The following PCED1B variants were observed in gnomAD, a reference collection of about 807,000 sequenced individuals.
PCED1B encodes PC-esterase domain containing 1B.
For missense variants in PCED1B, 573 were observed against 573.9 expected, an observed-to-expected ratio of 1.00 and a Z score of 0.02; for synonymous variants, 251 against 246.1, an observed-to-expected ratio of 1.02 and a Z score of -0.19.
chr12:47,131,673 C>CTT (rs760678015), intron 2 of PCED1B, among the ~76,000 whole-genome samples: 3 of 127,986 alleles, frequency 2.3e-5, no homozygotes, highest in East Asian at 2.3e-4. Context: ...TGTTTTACTT[C>CTT]TTTTTTTTTT....
chr12:47,169,771 C>A (rs1359106673), intron 2 of PCED1B, among the ~76,000 whole-genome samples: 1 of 151,082 alleles, frequency 6.6e-6, no homozygotes, highest in African/African-American at 2.4e-5. Flanking sequence ...AGGAAGATCG[C>A]TTGAGCCCAG....
chr12:47,206,907 A>C (rs986736322), intron 2 of PCED1B, among the ~76,000 whole-genome samples: 4 of 152,200 alleles, frequency 2.6e-5, no homozygotes, highest in African/African-American at 9.7e-5. Context: ...ATAAATGGTG[A>C]TTAGATGCTT....
intron 2 of PCED1B, among the ~76,000 whole-genome samples, chr12:47,147,074 C>G (rs535231619): frequency 7.1e-6 from 1 of 140,890 alleles, no homozygotes; most frequent in Admixed American, 7.9e-5. Flanking sequence ...AATCTCGGCT[C>G]ACTGCAATTT....
intron 2 of PCED1B, among the ~76,000 whole-genome samples, chr12:47,190,763 G>A (rs1343713574): frequency 6.6e-6 from 1 of 152,186 alleles, no homozygotes; most frequent in Non-Finnish European, 1.5e-5. Flanking sequence ...CAGTGCTTAG[G>A]AGCACAGAAA....
At chr12:47,198,739 C>T (rs575091194) in intron 2 of PCED1B, among the ~76,000 whole-genome samples, 4 of 152,086 alleles carry the variant, frequency 2.6e-5, no homozygotes, top group East Asian at 1.9e-4. Flanking sequence ...CCAAGGCAGG[C>T]GGATCACCTG....
chr12:47,160,204 A>C (rs568643571), intron 2 of PCED1B, among the ~76,000 whole-genome samples: 1 of 151,138 alleles, frequency 6.6e-6, no homozygotes, highest in Admixed American at 6.6e-5. Context: ...TTGCTTGCAA[A>C]ATTTTTAAAT....
At chr12:47,233,866 T>TA (rs1943887396) in intron 3 of PCED1B, among the ~76,000 whole-genome samples, 1 of 152,226 alleles carries the variant, frequency 6.6e-6, no homozygotes, top group African/African-American at 2.4e-5. Context: ...CAAAGAATAT[T>TA]ACAGCTGAAA....
chr12:47,133,044 T>A (rs1201601760), intron 2 of PCED1B, among the ~76,000 whole-genome samples: 2 of 152,194 alleles, frequency 1.3e-5, no homozygotes, highest in Admixed American at 1.3e-4. Flanking sequence ...ATAAGATAAT[T>A]TTCCCCTGTT....
chr12:47,222,253 C>T (rs1943503856), intron 3 of PCED1B, among the ~76,000 whole-genome samples: 1 of 151,336 alleles, frequency 6.6e-6, no homozygotes, highest in Admixed American at 6.6e-5. Context: ...ATCCCCGTCT[C>T]TACTAAAAAT....
chr12:47,120,810 A>G (rs1445648663), intron 2 of PCED1B, among the ~76,000 whole-genome samples: 1 of 152,138 alleles, frequency 6.6e-6, no homozygotes, highest in Non-Finnish European at 1.5e-5. Flanking sequence ...TCAAAAAATA[A>G]TAATAATAAT....
intron 2 of PCED1B, among the ~76,000 whole-genome samples, chr12:47,207,253 T>C (rs1942938850): frequency 6.6e-6 from 1 of 152,220 alleles, no homozygotes; most frequent in African/African-American, 2.4e-5. Context: ...CCAAAATACA[T>C]AAACATATTG....
At chr12:47,198,905 G>C (rs1051354331) in intron 2 of PCED1B, among the ~76,000 whole-genome samples, 1 of 151,622 alleles carries the variant, frequency 6.6e-6, no homozygotes, top group Non-Finnish European at 1.5e-5. Flanking sequence ...GGCAGAGGTT[G>C]CAGTGAGCTG....
chr12:47,236,304 A>T lies in PCED1B; in HGVS notation c.1241A>T (p.Gln414Leu). ...CGTGGCCCCTATACGCCCTGGGGAC[A>T]GCGGCCTCGACCTTCAAAGAGAAGG... is the stretch of plus-strand genomic sequence containing the variant. ...RPRGPYTPWG[Q>L]RPRPSKRRAP... Residue 414 changes from glutamine (Q) to leucine (L), a missense_variant, in exon 4 of 4, where the codon CAG (glutamine) becomes CTG (leucine). Physicochemically the swap from Gln to Leu is moderately radical, Grantham distance 113. Coordinates refer to ENST00000546455, the MANE Select transcript of PCED1B (RefSeq NM_138371.3). 2 of 1,613,706 alleles carry T rather than the reference A, an allele frequency of 1.2e-6. No homozygotes were observed. The highest frequency in any genetic ancestry group is 2.2e-5 in the East Asian group (1 of 44,850).
At chr12:47,127,921 C>A (rs1359686103) in intron 2 of PCED1B, among the ~76,000 whole-genome samples, 1 of 152,084 alleles carries the variant, frequency 6.6e-6, no homozygotes, top group East Asian at 1.9e-4. Flanking sequence ...CTATATGTTT[C>A]AACTGTTGAG....
At chr12:47,192,821 G>T (rs753662283) in intron 2 of PCED1B, among the ~76,000 whole-genome samples, 25 of 152,134 alleles carry the variant, frequency 1.6e-4, no homozygotes, top group Non-Finnish European at 2.4e-4. Context: ...CTTGAGACAA[G>T]TACTATCATT....
At chr12:47,125,201 G>A (rs984074362) in intron 2 of PCED1B, among the ~76,000 whole-genome samples, 3 of 151,924 alleles carry the variant, frequency 2.0e-5, no homozygotes, top group Non-Finnish European at 4.4e-5. Flanking sequence ...ACTGCCCAAG[G>A]TATGGAGAGT....
chr12:47,091,293 A>G (rs1348476371), intron 1 of PCED1B, among the ~76,000 whole-genome samples: 1 of 152,178 alleles, frequency 6.6e-6, no homozygotes, highest in Non-Finnish European at 1.5e-5. Context: ...CATTTCCCTG[A>G]GAATTAATAA....
intron 2 of PCED1B, among the ~76,000 whole-genome samples, chr12:47,211,418 G>A (rs780034101): frequency 7.2e-5 from 11 of 151,814 alleles, no homozygotes; most frequent in Non-Finnish European, 1.6e-4. Context: ...TTGGGAGGCT[G>A]AGGCATGTGG....
At chr12:47,170,194 A>G (rs948171931) in intron 2 of PCED1B, among the ~76,000 whole-genome samples, 2 of 152,120 alleles carry the variant, frequency 1.3e-5, no homozygotes, top group African/African-American at 4.8e-5. Flanking sequence ...CACATGTTTC[A>G]GAGAGCACGG....
Sources: gnomAD v4.1 joint callset for allele counts (sites outside exome capture counted in the v4.1 genomes callset) on GRCh38, gnomAD v4.1.1 for gene constraint, MANE v1.5 for transcripts, NCBI Gene and HGNC (gene_info 2026-07-23, HGNC 2026-07-21) for gene names.